Variants in TTC34 observed in about 807,000 individuals in gnomAD.
TTC34 encodes tetratricopeptide repeat protein 34.
In TTC34, 44 loss-of-function variants were observed where a neutral mutation model predicts 40.7. That is an observed-to-expected ratio of 1.08 (90% CI 0.85 to 1.39). The LOEUF (loss-of-function observed/expected upper bound fraction) is 1.39, where lower values mean the gene tolerates loss of function less well. Ranked by LOEUF, TTC34 falls within the 40% of genes most tolerant of loss-of-function variation. The probability of loss-of-function intolerance (pLI) is 0.00; values close to 1 mark genes in which losing one functional copy is unlikely to be tolerated. For missense variants in TTC34, 884 were observed against 838.0 expected, an observed-to-expected ratio of 1.05 and a Z score of -0.68; for synonymous variants, 422 against 398.6, an observed-to-expected ratio of 1.06 and a Z score of -0.70.
chr1:2,763,873 GAC>G (rs1641711366), intron 6 of TTC34, among the ~76,000 whole-genome samples: 2 of 1,108 alleles, frequency 1.8e-3, no homozygotes, highest in African/African-American at 8.3e-3. Context: ...GTGAGCATCC[GAC>G]AGCCTGGAAC....
intron 6 of TTC34, among the ~76,000 whole-genome samples, chr1:2,756,570 T>A (rs1641512395): frequency 2.6e-5 from 4 of 151,888 alleles, no homozygotes; most frequent in Admixed American, 1.3e-4. Flanking sequence ...TCTGACAGCC[T>A]GAAGCAGCAC....
chr1:2,756,624 C>T (rs1641514390), intron 6 of TTC34, among the ~76,000 whole-genome samples: 1 of 151,454 alleles, frequency 6.6e-6, no homozygotes, highest in African/African-American at 2.4e-5. Context: ...ACAGCACCCA[C>T]ACCCCCAGGT....
chr1:2,790,805 T>C (rs1643654698), intron 2 of TTC34, among the ~76,000 whole-genome samples: 1 of 152,186 alleles, frequency 6.6e-6, no homozygotes, highest in Non-Finnish European at 1.5e-5. Flanking sequence ...GCAGTGGCCA[T>C]TTATTCCTGG....
intron 7 of TTC34, among the ~76,000 whole-genome samples, chr1:2,644,770 G>A (rs892253694): frequency 6.6e-6 from 1 of 152,246 alleles, no homozygotes; most frequent in African/African-American, 2.4e-5. Context: ...CTGGCGCAGA[G>A]TGGCATGTGG....
intron 6 of TTC34, among the ~76,000 whole-genome samples, chr1:2,769,674 C>T (rs1393017903): frequency 6.9e-5 from 9 of 131,300 alleles, no homozygotes; most frequent in South Asian, 2.4e-4. Flanking sequence ...CCCTACACCC[C>T]CAGGGGAGCA....
At chr1:2,794,108 A>C (rs939076178) in intron 2 of TTC34, among the ~76,000 whole-genome samples, 1 of 152,042 alleles carries the variant, frequency 6.6e-6, no homozygotes, top group Non-Finnish European at 1.5e-5. Flanking sequence ...AGATCCTCCC[A>C]TGTCAGTCTG....
chr1:2,778,918 C>T (rs1350639757), intron 6 of TTC34, among the ~76,000 whole-genome samples: 1 of 152,162 alleles, frequency 6.6e-6, no homozygotes, highest in African/African-American at 2.4e-5. Flanking sequence ...CTCCGTTCCC[C>T]AGGCACTCTC....
chr1:2,752,527 C>T (rs1440735695), intron 6 of TTC34, among the ~76,000 whole-genome samples: 5 of 35,950 alleles, frequency 1.4e-4, no homozygotes, highest in African/African-American at 5.3e-4. Flanking sequence ...GAGCAGCACC[C>T]ACATCCCCAG....
chr1:2,759,629 G>A (rs1641625911), intron 6 of TTC34, among the ~76,000 whole-genome samples: 1 of 152,002 alleles, frequency 6.6e-6, no homozygotes, highest in African/African-American at 2.4e-5. Context: ...GCCTGGAACA[G>A]CACCCACACC....
chr1:2,686,601 C>A (rs1203666188), intron 6 of TTC34, among the ~76,000 whole-genome samples: 2 of 128,882 alleles, frequency 1.6e-5, no homozygotes, highest in South Asian at 2.4e-4. Context: ...AGCACACACA[C>A]CCCCAGGCGA....
At chr1:2,653,780 G>C (rs1046249690) in intron 6 of TTC34, among the ~76,000 whole-genome samples, 6 of 146,878 alleles carry the variant, frequency 4.1e-5, no homozygotes, top group Admixed American at 6.8e-5. Context: ...CCCCAGGCGA[G>C]CATCTGACAG....
intron 6 of TTC34, among the ~76,000 whole-genome samples, chr1:2,752,486 CCA>C (rs879203530): frequency 6.8e-6 from 1 of 147,282 alleles, no homozygotes; most frequent in African/African-American, 2.5e-5. Flanking sequence ...GGAACAGCAC[CCA>C]CACAGCCAGG....
chr1:2,753,404 C>A (rs1457952214), intron 6 of TTC34, among the ~76,000 whole-genome samples: 32 of 121,548 alleles, frequency 2.6e-4, no homozygotes, highest in African/African-American at 1.1e-3. Flanking sequence ...CAGCATGTAA[C>A]AGCACCCACA....
In TTC34 at chr1:2,750,073, C is replaced by T. The variant is rs1212889435; in HGVS notation, c.2226+33536G>A. 1.5e-4 allele frequency among the ~76,000 whole-genome samples: 16 copies of T among 104,286 alleles called. 3 individuals are homozygous for T. The highest frequency in any genetic ancestry group is 3.5e-4 in the South Asian group (1 of 2,834). The allele number at this position is 104,286 out of a possible 152,430, so 68.4% of individuals were successfully genotyped here. ...CAGGTGAGCATCTGACAGCCTGGAGCAGCAGGCACACCCCCAGTGAGCATC... is the reference window on the plus strand; with the variant it reads ...CAGGTGAGCATCTGACAGCCTGGAGTAGCAGGCACACCCCCAGTGAGCATC... On this transcript the variant is annotated intron_variant, in intron 6 of 8. Transcript: ENST00000401095.
chr1:2,797,020 C>T (rs535897659), intron 2 of TTC34, among the ~76,000 whole-genome samples: 3 of 152,224 alleles, frequency 2.0e-5, no homozygotes, highest in South Asian at 4.1e-4. Context: ...GGCCCTGATC[C>T]GTCACCCCAC....
Position 2,750,065 on chromosome 1 carries a change from G to A in TTC34, c.2226+33544C>T, listed in dbSNP as rs1334478310. ...CACACCCTCAGGTGAGCATCTGACA[G>A]CCTGGAGCAGCAGGCACACCCCCAG... On this transcript the variant is annotated intron_variant, in intron 6 of 8. Transcript: ENST00000401095. Among the ~76,000 whole-genome samples, 3 of 96,852 alleles carry A rather than the reference G, an allele frequency of 3.1e-5. 1 individual carries two copies. Among genetic ancestry groups the A allele is most frequent in the African/African-American group, 1.5e-4 (3 of 19,722 alleles). 63.5% of individuals were successfully genotyped at this position (96,852 alleles called of 152,430 possible).
intron 6 of TTC34, among the ~76,000 whole-genome samples, chr1:2,656,369 C>A (rs1639345753): frequency 8.0e-4 from 81 of 100,920 alleles, no homozygotes; most frequent in Middle Eastern, 4.5e-3. Flanking sequence ...TGGAACAGCA[C>A]CCACACCCAC....
intron 6 of TTC34, among the ~76,000 whole-genome samples, chr1:2,691,138 C>T (rs1343718612): frequency 1.5e-5 from 1 of 67,820 alleles, no homozygotes; most frequent in African/African-American, 5.0e-5. Context: ...ACAGAACCCA[C>T]ACCGCCAGGG....
intron 2 of TTC34, among the ~76,000 whole-genome samples, chr1:2,798,570 C>T (rs1461782347): frequency 2.2e-4 from 19 of 86,856 alleles, no homozygotes; most frequent in East Asian, 8.7e-4. Context: ...TCCCAGCCTC[C>T]CAGCCCCTCA....
Sources: allele counts gnomAD v4.1 joint callset (sites outside exome capture counted in the v4.1 genomes callset), GRCh38; gene constraint gnomAD v4.1.1; transcripts MANE v1.5; gene names NCBI Gene and HGNC (gene_info 2026-07-23, HGNC 2026-07-21).